TNRC6A: variants seen among roughly 807,000 people sequenced by gnomAD.
TNRC6A encodes the protein trinucleotide repeat containing adaptor 6A.
In TNRC6A, 44 loss-of-function variants were observed where a neutral mutation model predicts 221.2. That is an observed-to-expected ratio of 0.20 (90% confidence interval 0.16 to 0.26). The LOEUF (loss-of-function observed/expected upper bound fraction) is 0.26, where lower values mean the gene tolerates loss of function less well. Among genes scored for constraint, TNRC6A ranks in the 10% least tolerant of loss-of-function variants. The pLI is 1.00. For missense variants in TNRC6A, 2,199 were observed against 2,404.4 expected, an observed-to-expected ratio of 0.91 and a Z score of 1.79; for synonymous variants, 847 against 838.5, an observed-to-expected ratio of 1.01 and a Z score of -0.18.
At chr16:24,709,400 T>C (rs1320816070) in intron 2 of TNRC6A, among the ~76,000 whole-genome samples, 2 of 152,212 alleles carry the variant, frequency 1.3e-5, no homozygotes, top group African/African-American at 2.4e-5. Context: ...CTGTTTTCCA[T>C]TGTGGTTTTA....
chr16:24,695,084 C>T (rs2055831274), intron 2 of TNRC6A, among the ~76,000 whole-genome samples: 1 of 152,154 alleles, frequency 6.6e-6, no homozygotes, highest in Non-Finnish European at 1.5e-5. Flanking sequence ...TGCTTGCTGG[C>T]ACGGGAGTGT....
intron 2 of TNRC6A, among the ~76,000 whole-genome samples, chr16:24,644,897 C>T (rs528504970): frequency 1.3e-5 from 2 of 152,338 alleles, no homozygotes; most frequent in South Asian, 4.1e-4. Context: ...AAAATATCTT[C>T]ATGTCAACCT....
At chr16:24,655,308 A>C (rs2054887296) in intron 2 of TNRC6A, among the ~76,000 whole-genome samples, 1 of 152,222 alleles carries the variant, frequency 6.6e-6, no homozygotes, top group Non-Finnish European at 1.5e-5. Context: ...AAAAAACATG[A>C]AATTCTGCTT....
Position 24,823,030 on chromosome 16 carries a change from G to C in TNRC6A, c.5513+17G>C, listed in dbSNP as rs2058798057. ...TCTGCACATGTAAGTTGGCTGTTGG[G>C]CTCCCAGTTGGAAGAGTCTAGGGGA... On this transcript the variant is annotated intron_variant, in intron 24 of 24. Transcript: ENST00000395799. This position sits in a 1 kb window ranked among gnomAD's most constrained non-coding sequence, Gnocchi z 4.3. 3.1e-6 allele frequency: 5 copies of C among 1,614,032 alleles called. No individual in the cohort carries two copies. Among genetic ancestry groups the C allele is most frequent in the Non-Finnish European group, 4.2e-6 (5 of 1,179,994 alleles).
intron 2 of TNRC6A, among the ~76,000 whole-genome samples, chr16:24,691,374 C>T (rs780757646): frequency 4.6e-5 from 7 of 152,004 alleles, no homozygotes; most frequent in Non-Finnish European, 8.8e-5. Flanking sequence ...TGAGCCACTG[C>T]GCCCAACCCA....
chr16:24,673,143 C>A (rs1389696187), intron 2 of TNRC6A, among the ~76,000 whole-genome samples: 1 of 152,004 alleles, frequency 6.6e-6, no homozygotes, highest in Non-Finnish European at 1.5e-5. Context: ...AGTTTGAGAC[C>A]AGCCTGGGCA....
At chr16:24,794,239 A>G (rs1428267166) in intron 7 of TNRC6A, among the ~76,000 whole-genome samples, 1 of 152,256 alleles carries the variant, frequency 6.6e-6, no homozygotes, top group Non-Finnish European at 1.5e-5. Flanking sequence ...TGTCCTGTGC[A>G]TCACTATGCA....
chr16:24,745,267 A>G (rs1010180786), intron 2 of TNRC6A, among the ~76,000 whole-genome samples: 3 of 152,162 alleles, frequency 2.0e-5, no homozygotes, highest in Non-Finnish European at 4.4e-5. Context: ...TTCAGTTTTC[A>G]TCTCTACTGT....
intron 1 of TNRC6A, among the ~76,000 whole-genome samples, chr16:24,638,837 T>C (rs1901776802): frequency 6.6e-6 from 1 of 152,246 alleles, no homozygotes; most frequent in Non-Finnish European, 1.5e-5. Flanking sequence ...ATTTCTACTG[T>C]CATTTTCCTG....
intron 5 of TNRC6A, among the ~76,000 whole-genome samples, chr16:24,786,710 T>C (rs1290014609): frequency 1.3e-5 from 2 of 149,606 alleles, no homozygotes; most frequent in African/African-American, 4.9e-5. Context: ...TGAGATGGAG[T>C]CTCACTCTGT....
At chr16:24,774,806 A>C (rs2057685600) in intron 4 of TNRC6A, among the ~76,000 whole-genome samples, 2 of 152,196 alleles carry the variant, frequency 1.3e-5, no homozygotes, top group South Asian at 4.1e-4. Context: ...ACCAGAATTC[A>C]TGGATGTTCA....
At chr16:24,742,120 G>C (rs1371107895) in intron 2 of TNRC6A, among the ~76,000 whole-genome samples, 1 of 152,148 alleles carries the variant, frequency 6.6e-6, no homozygotes, top group African/African-American at 2.4e-5. Flanking sequence ...ACAGGTATGA[G>C]CCACCACACC....
intron 17 of TNRC6A, among the ~76,000 whole-genome samples, chr16:24,808,724 A>G (rs1384343891): frequency 1.3e-5 from 2 of 152,262 alleles, no homozygotes; most frequent in Non-Finnish European, 2.9e-5. Flanking sequence ...ACTTTAGAAT[A>G]AGAACCTCTT....
At chr16:24,666,675 A>G (rs2055178203) in intron 2 of TNRC6A, among the ~76,000 whole-genome samples, 1 of 132,566 alleles carries the variant, frequency 7.5e-6, no homozygotes, top group Admixed American at 8.1e-5. Context: ...AAAAATATAT[A>G]TATATATATA....
chr16:24,661,148 G>A (rs183922626), intron 2 of TNRC6A, among the ~76,000 whole-genome samples: 34 of 152,084 alleles, frequency 2.2e-4, no homozygotes, highest in East Asian at 1.5e-3. Context: ...ATTATGTAGC[G>A]ATGAATTCTG....
intron 2 of TNRC6A, among the ~76,000 whole-genome samples, chr16:24,695,814 T>G (rs1320630032): frequency 6.6e-6 from 1 of 152,154 alleles, no homozygotes; most frequent in Non-Finnish European, 1.5e-5. Context: ...CCCTGGTGGT[T>G]AATTTGGCCA....
chr16:24,623,963 T>C (rs866330506), intron 1 of TNRC6A, among the ~76,000 whole-genome samples: 7 of 142,768 alleles, frequency 4.9e-5, no homozygotes, highest in African/African-American at 1.3e-4. Flanking sequence ...GCATTAGCAT[T>C]AAAGCAAATG....
chr16:24,821,792 GAGA>G (rs2058771030), intron 22 of TNRC6A: 1 of 464,532 alleles, frequency 2.2e-6, no homozygotes, highest in African/African-American at 1.9e-5. Flanking sequence ...TCCTATCAAT[GAGA>G]AGATCTCAAA....
chr16:24,742,460 G>A (rs56748168), intron 2 of TNRC6A, among the ~76,000 whole-genome samples: 10,289 of 152,230 alleles, frequency 0.068, 858 homozygotes, highest in East Asian at 0.36. Flanking sequence ...TTAAAAGAGT[G>A]CATTTTTGGC....
Sources: gnomAD v4.1 joint callset for allele counts (sites outside exome capture counted in the v4.1 genomes callset) on GRCh38, gnomAD v4.1.1 for gene constraint, Gnocchi (gnomAD v3.1) non-coding constraint, MANE v1.5 for transcripts, NCBI Gene and HGNC (gene_info 2026-07-23, HGNC 2026-07-21) for gene names.